Variants in NRG3 observed in about 807,000 individuals in gnomAD.
NRG3 encodes the protein neuregulin 3.
NRG3 carries 31 observed loss-of-function variants against 66.9 expected under a neutral mutation model. The ratio of observed to expected loss-of-function variants is 0.46; its 90% confidence interval spans 0.35 to 0.63. NRG3 has a LOEUF of 0.63. Ranked by LOEUF, NRG3 falls within the 20% of genes least tolerant of loss-of-function variation. The pLI, the probability that NRG3 is intolerant of heterozygous loss-of-function variation, is 0.00. For missense variants in NRG3, 910 were observed against 878.9 expected (o/e 1.04, Z -0.45); for synonymous variants, 393 against 359.4 (o/e 1.09, Z -1.06).
At chr10:81,941,238 G>T (rs1038250096) in intron 1 of NRG3, among the ~76,000 whole-genome samples, 2 of 152,074 alleles carry the variant, frequency 1.3e-5, no homozygotes, top group African/African-American at 4.8e-5. Context: ...AAGATGGCCT[G>T]TGGGGAGATA....
intron 1 of NRG3, among the ~76,000 whole-genome samples, chr10:82,078,469 G>T (rs2065213280): frequency 6.6e-6 from 1 of 152,162 alleles, no homozygotes; most frequent in South Asian, 2.1e-4. Context: ...TCCTGCCTCA[G>T]CCTCCCGAGT....
intron 1 of NRG3, among the ~76,000 whole-genome samples, chr10:82,355,541 T>C (rs1201908730): frequency 2.0e-5 from 3 of 152,190 alleles, no homozygotes; most frequent in African/African-American, 7.2e-5. Context: ...AGGCTTTGTT[T>C]GGTTGTAAGT....
chr10:82,259,594 GAAC>G, intron 1 of NRG3, among the ~76,000 whole-genome samples: 1 of 152,244 alleles, frequency 6.6e-6, no homozygotes, highest in South Asian at 2.1e-4. Context: ...AATGGCAGCA[GAAC>G]AACTAGGATG....
intron 1 of NRG3, among the ~76,000 whole-genome samples, chr10:82,219,176 G>A (rs1451105812): frequency 6.6e-6 from 1 of 150,418 alleles, no homozygotes; most frequent in African/African-American, 2.5e-5. Context: ...TCTAAAAAGG[G>A]TTTCTCAACC....
chr10:82,554,170 A>G (rs1000430078), intron 2 of NRG3, among the ~76,000 whole-genome samples: 10 of 152,172 alleles, frequency 6.6e-5, no homozygotes, highest in African/African-American at 2.4e-4. Flanking sequence ...TTGATTTCAC[A>G]GTATGTTTTA....
Position 82,680,020 on chromosome 10 carries a change from T to C in NRG3, c.954-58557T>C, listed in dbSNP as rs2065767. On this transcript the variant is annotated intron_variant, in intron 2 of 8. Coordinates refer to ENST00000372141, the MANE Select transcript of NRG3 (RefSeq NM_001010848.4). Reference sequence around the variant, plus strand: ...ATATCAATGCCATGGTTTGTACAAATAGAAAAAGATCTGATGGGAAGCATT... The same window carrying C: ...ATATCAATGCCATGGTTTGTACAAACAGAAAAAGATCTGATGGGAAGCATT... 8.2e-3 allele frequency among the ~76,000 whole-genome samples: 1,247 copies of C among 152,288 alleles called. 14 individuals are homozygous for C. Among genetic ancestry groups the C allele is most frequent in the African/African-American group, 0.028 (1,183 of 41,572 alleles).
chr10:82,930,888 C>G (rs1020122978), intron 4 of NRG3, among the ~76,000 whole-genome samples: 2 of 152,124 alleles, frequency 1.3e-5, no homozygotes, highest in African/African-American at 4.8e-5. Flanking sequence ...AATCTTAGGT[C>G]TAAATGACAT....
At chr10:82,659,231 T>G (rs2052116270) in intron 2 of NRG3, among the ~76,000 whole-genome samples, 1 of 152,256 alleles carries the variant, frequency 6.6e-6, no homozygotes, top group South Asian at 2.1e-4. Flanking sequence ...TTTTCTTCCA[T>G]CATTAAAATA....
In NRG3 at chr10:82,813,942, C is replaced by G. The variant is rs188349530; in HGVS notation, c.1028-51469C>G. Among the ~76,000 whole-genome samples the G allele has an allele frequency of 3.2e-4, 49 of 152,318 alleles. No individual in the cohort carries two copies. The East Asian group carries it at 8.7e-3, about 27-fold the overall frequency. ...ATGGGAAACAGCAGCTGGCCTGGCGCGTGACTCCTCAGTCCCAGATTCATA... is the reference window on the plus strand; with the variant it reads ...ATGGGAAACAGCAGCTGGCCTGGCGGGTGACTCCTCAGTCCCAGATTCATA... On this transcript the variant is annotated intron_variant, in intron 3 of 8. Coordinates refer to ENST00000372141, the MANE Select transcript of NRG3 (RefSeq NM_001010848.4).
At chr10:82,368,913 A>G (rs1240009066) in intron 2 of NRG3, among the ~76,000 whole-genome samples, 1 of 138,380 alleles carries the variant, frequency 7.2e-6, no homozygotes, top group Non-Finnish European at 1.5e-5. Context: ...CAGGATAAAG[A>G]TGGCTCAGCT....
chr10:82,955,437 T>A (rs1849950555), intron 5 of NRG3, among the ~76,000 whole-genome samples: 1 of 151,986 alleles, frequency 6.6e-6, no homozygotes, highest in Admixed American at 6.5e-5. Context: ...GCAATGACTG[T>A]AAATTATTCA....
intron 2 of NRG3, among the ~76,000 whole-genome samples, chr10:82,476,507 G>A (rs1841797748): frequency 6.6e-6 from 1 of 152,098 alleles, no homozygotes; most frequent in African/African-American, 2.4e-5. Context: ...TATACACAAT[G>A]GAATATTGTT....
At chr10:82,369,208 T>C (rs1417974539) in intron 2 of NRG3, among the ~76,000 whole-genome samples, 2 of 139,240 alleles carry the variant, frequency 1.4e-5, no homozygotes, top group East Asian at 4.2e-4. Flanking sequence ...TTCTACATGC[T>C]TCGCCTCCCC....
chr10:82,167,241 A>G (rs1475418891), intron 1 of NRG3, among the ~76,000 whole-genome samples: 3 of 151,910 alleles, frequency 2.0e-5, no homozygotes, highest in African/African-American at 7.3e-5. Context: ...AGATTTTATT[A>G]TTATTCATAA....
intron 4 of NRG3, among the ~76,000 whole-genome samples, chr10:82,904,974 T>C (rs766089793): frequency 1.6e-4 from 24 of 152,116 alleles, no homozygotes; most frequent in Admixed American, 2.6e-4. Context: ...TCTAAATTTA[T>C]AGTATGCCTG....
chr10:82,261,896 T>C lies in NRG3; in HGVS notation c.824-96843T>C, dbSNP rs141207850. On this transcript the variant is annotated intron_variant, in intron 1 of 8. Transcript: ENST00000372141. The stretch of plus-strand genomic sequence containing the variant: ...GGCCATCACGAACATGTCACGGTGC[T>C]GCTGAGATTTTGTTTATGACCAGTT... 8.5e-3 allele frequency among the ~76,000 whole-genome samples: 1,300 copies of C among 152,278 alleles called. 13 individuals are homozygous for C. Among genetic ancestry groups the C allele is most frequent in the African/African-American group, 0.029 (1,223 of 41,560 alleles).
chr10:82,894,729 A>T (rs1843483773), intron 4 of NRG3, among the ~76,000 whole-genome samples: 1 of 152,074 alleles, frequency 6.6e-6, no homozygotes, highest in Non-Finnish European at 1.5e-5. Context: ...TTTTGCCTCT[A>T]CAATAATTTT....
chr10:82,600,190 C>T (rs2047531606), intron 2 of NRG3, among the ~76,000 whole-genome samples: 1 of 151,988 alleles, frequency 6.6e-6, no homozygotes, highest in Admixed American at 6.6e-5. Context: ...TTGCCTGTTT[C>T]AATAGCTGTA....
At chr10:82,494,335 C>G in intron 2 of NRG3, among the ~76,000 whole-genome samples, 1 of 152,134 alleles carries the variant, frequency 6.6e-6, no homozygotes, top group East Asian at 1.9e-4. Flanking sequence ...AAAATAAAAG[C>G]TAACACACAC....
Sources: gnomAD v4.1 joint callset for allele counts (sites outside exome capture counted in the v4.1 genomes callset) on GRCh38, gnomAD v4.1.1 for gene constraint, MANE v1.5 for transcripts, NCBI Gene and HGNC (gene_info 2026-07-23, HGNC 2026-07-21) for gene names.